PDZD2: variants seen among roughly 807,000 people sequenced by gnomAD.
PDZD2 encodes the protein PDZ domain containing 2.
Under a neutral mutation model 220.7 loss-of-function variants are expected in PDZD2, and 90 were observed. The ratio of observed to expected loss-of-function variants is 0.41; its 90% CI spans 0.34 to 0.49. The LOEUF is 0.49. PDZD2 is among the 20% of genes least tolerant of loss of function. PDZD2 has a pLI of 0.28. For missense variants in PDZD2, 3,174 were observed against 3,608.5 expected, an observed-to-expected ratio of 0.88 and a Z score of 3.08; for synonymous variants, 1,375 against 1,450.5, an observed-to-expected ratio of 0.95 and a Z score of 1.18.
chr5:31,944,929 T>C (rs1746505174), intron 2 of PDZD2, among the ~76,000 whole-genome samples: 1 of 152,226 alleles, frequency 6.6e-6, no homozygotes, highest in African/African-American at 2.4e-5. Flanking sequence ...AGAGGGCAGA[T>C]TACCATCTGA....
intron 2 of PDZD2, among the ~76,000 whole-genome samples, chr5:31,980,330 G>A (rs924641040): frequency 2.6e-5 from 4 of 152,154 alleles, no homozygotes; most frequent in African/African-American, 9.7e-5. Context: ...TTTGCATAAT[G>A]TTTCCAGGTT....
At chr5:31,650,012 A>C (rs1745291763) in intron 1 of PDZD2, among the ~76,000 whole-genome samples, 1 of 151,934 alleles carries the variant, frequency 6.6e-6, no homozygotes, top group African/African-American at 2.4e-5. Context: ...CAAAGTAGAG[A>C]AAAAGAAATG....
Position 32,074,563 on chromosome 5 carries a change from T to C in PDZD2, c.3457T>C (p.Cys1153Arg), listed in dbSNP as rs1333324112. ...CCTGACTGGCAGAGCCAATGATCCA[T>C]GCGATCTGGACTCGAGAGTCCAGGC... is the stretch of plus-strand genomic sequence containing the variant. Reference protein sequence around the residue: ...VNLTGRANDPCDLDSRVQATS... With the variant: ...VNLTGRANDPRDLDSRVQATS... Residue 1153 changes from cysteine (C) to arginine (R), a missense_variant, in exon 18 of 25, where the codon TGC becomes CGC. Coordinates refer to ENST00000438447, the MANE Select transcript of PDZD2 (RefSeq NM_178140.4). 2 of 1,614,028 alleles carry C rather than the reference T, an allele frequency of 1.2e-6. No homozygotes were observed.
intron 2 of PDZD2, among the ~76,000 whole-genome samples, chr5:31,948,517 A>C (rs759604994): frequency 3.3e-5 from 5 of 152,226 alleles, no homozygotes; most frequent in Admixed American, 6.5e-5. Context: ...AGAGCTTGAG[A>C]ACAACAGAAC....
chr5:31,721,741 C>CA (rs11368533), intron 1 of PDZD2, among the ~76,000 whole-genome samples: 78,948 of 147,776 alleles, frequency 0.53, 21,042 homozygotes, highest in East Asian at 0.74. Context: ...TTAGCTGTCT[C>CA]AAAAAAAAAA....
At chr5:31,960,519 C>T (rs1301469436) in intron 2 of PDZD2, among the ~76,000 whole-genome samples, 2 of 152,162 alleles carry the variant, frequency 1.3e-5, no homozygotes, top group African/African-American at 4.8e-5. Context: ...AACCCAGATG[C>T]TTTCTACTCC....
At chr5:31,731,884 T>A (rs982877963) in intron 1 of PDZD2, among the ~76,000 whole-genome samples, 1 of 152,248 alleles carries the variant, frequency 6.6e-6, no homozygotes, top group Non-Finnish European at 1.5e-5. Flanking sequence ...AATTGCTCAG[T>A]CATATGGTTA....
intron 1 of PDZD2, among the ~76,000 whole-genome samples, chr5:31,667,061 C>T (rs111310196): frequency 0.049 from 7,461 of 151,858 alleles, 306 homozygotes; most frequent in Admixed American, 0.11. Context: ...ACGGTGAAAC[C>T]CCGTCTCTAC....
chr5:31,741,730 T>G (rs1750277319), intron 1 of PDZD2: 1 of 152,254 alleles, frequency 6.6e-6, no homozygotes, highest in Admixed American at 6.5e-5. Flanking sequence ...TCTGTCTTGG[T>G]GTTTGTTCTC....
At chr5:32,023,233 A>G (rs1754366427) in intron 6 of PDZD2, among the ~76,000 whole-genome samples, 1 of 148,854 alleles carries the variant, frequency 6.7e-6, no homozygotes, top group Non-Finnish European at 1.5e-5. Flanking sequence ...CCTCCTGCTC[A>G]CTTGATGCCG....
chr5:31,819,292 G>T (rs998985385), intron 2 of PDZD2, among the ~76,000 whole-genome samples: 2 of 152,160 alleles, frequency 1.3e-5, no homozygotes, highest in African/African-American at 2.4e-5. Context: ...CCCACTGGAG[G>T]TTCCTCATGT....
chr5:31,873,811 A>G lies in PDZD2; in HGVS notation c.476+74087A>G, dbSNP rs527367363. ...AATGGTGTGATCTCGGCTCACGGCA[A>G]CCTCCACCTCCCAGGTTCAAGCCAT... On this transcript the variant is annotated intron_variant, in intron 2 of 24. Transcript: ENST00000438447. 3.9e-3 allele frequency among the ~76,000 whole-genome samples: 590 copies of G among 149,432 alleles called. 4 individuals are homozygous for G. Among genetic ancestry groups the G allele is most frequent in the Non-Finnish European group, 6.4e-3 (429 of 67,296 alleles).
Position 32,108,106 on chromosome 5 carries a change from T to C in PDZD2, c.8491T>C (p.Leu2831=). The part of the protein sequence containing the change: ...KSVPEGPVQL[L]IRKHRNSS The stretch of plus-strand genomic sequence containing the variant: ...TGTCCCAGAAGGACCTGTGCAGTTA[T>C]TAATTAGAAAGCATAGGAATTCTTC... The change falls in exon 25 of 25, where the codon TTA becomes CTA. Residue 2831 remains leucine (L), a synonymous_variant. Transcript: ENST00000438447. 1 of 1,605,440 alleles carries C rather than the reference T, an allele frequency of 6.2e-7. No homozygotes were observed. Among genetic ancestry groups the C allele is most frequent in the Non-Finnish European group, 8.5e-7 (1 of 1,175,080 alleles).
At chr5:31,881,078 G>A (rs1159464787) in intron 2 of PDZD2, among the ~76,000 whole-genome samples, 1 of 151,782 alleles carries the variant, frequency 6.6e-6, no homozygotes, top group East Asian at 1.9e-4. Flanking sequence ...GGGATTACAG[G>A]CATATGCCAC....
intron 2 of PDZD2, among the ~76,000 whole-genome samples, chr5:31,962,930 G>C (rs561931862): frequency 1.4e-4 from 21 of 152,214 alleles, no homozygotes; most frequent in Non-Finnish European, 2.9e-4. Context: ...GTTTTTCCAT[G>C]CAGGCCCTGG....
chr5:31,762,701 G>A (rs576374718), intron 1 of PDZD2, among the ~76,000 whole-genome samples: 1 of 152,316 alleles, frequency 6.6e-6, no homozygotes, highest in South Asian at 2.1e-4. Context: ...ATGTGTCATG[G>A]CGGCTGTTGA....
chr5:32,010,210 C>T (rs1753182892), intron 5 of PDZD2, 120 bp from the exon 6 acceptor site: 1 of 672,902 alleles, frequency 1.5e-6, no homozygotes, highest in East Asian at 2.5e-5. Flanking sequence ...AGACACAGAA[C>T]ATTTACTCCA....
intron 14 of PDZD2, among the ~76,000 whole-genome samples, chr5:32,066,379 C>T (rs1464900294): frequency 6.6e-6 from 1 of 152,148 alleles, no homozygotes; most frequent in Non-Finnish European, 1.5e-5. Context: ...CCAATCAAAC[C>T]AACCAAGTCC....
chr5:31,941,972 C>A (rs1303709320), intron 2 of PDZD2, among the ~76,000 whole-genome samples: 2 of 152,174 alleles, frequency 1.3e-5, no homozygotes, highest in African/African-American at 4.8e-5. Context: ...GGTTCTTCAT[C>A]TACTCCAGAA....
Sources: gnomAD v4.1 joint callset for allele counts (sites outside exome capture counted in the v4.1 genomes callset) on GRCh38, gnomAD v4.1.1 for gene constraint, MANE v1.5 for transcripts, NCBI Gene and HGNC (gene_info 2026-07-23, HGNC 2026-07-21) for gene names.